Variants in PIGT observed in about 807,000 individuals in gnomAD.
PIGT encodes phosphatidylinositol glycan anchor biosynthesis class T, also known as GPI-anchor transamidase component PIGT.
In PIGT, 57 loss-of-function variants were observed where a neutral mutation model predicts 66.7. The observed-to-expected ratio is 0.86, with a 90% CI of 0.69 to 1.07. PIGT has a LOEUF of 1.07. Ranked by LOEUF, PIGT falls within the 50% of genes least tolerant of loss-of-function variation. The pLI is 0.00. For missense variants in PIGT, 725 were observed against 740.4 expected (o/e 0.98, Z 0.24); for synonymous variants, 362 against 320.5 (o/e 1.13, Z -1.38).
At chr20:45,420,758 C>T (rs1290417973) in intron 8 of PIGT, 65 bp downstream of exon 8, 8 of 1,498,796 alleles carry the variant, frequency 5.3e-6, no homozygotes, top group Admixed American at 3.4e-5. Flanking sequence ...CACAATCCCA[C>T]GTCTTTGCCG....
At position 45,421,431 on chromosome 20, in the gene PIGT, AT is replaced by A. The variant is rs1990358605; in HGVS notation, c.1083del (p.Tyr361Ter). 6.2e-7 allele frequency: 1 copy of A among 1,614,020 alleles called. No individual in the cohort carries two copies. The highest frequency in any genetic ancestry group is 1.3e-5 in the African/African-American group (1 of 74,898). ...CATGCCCAGCGGTACGTGAGTGGCT[AT>A]GGGCTGCAGAAGGGGGAGCTGAGCA... ...FLHAQRYVSG[Y>X]GLQKGELSTL... On this transcript the variant is annotated frameshift_variant, in exon 9 of 12. Transcript: ENST00000279036. LOFTEE classifies it high-confidence loss of function.
Position 45,420,409 on chromosome 20 carries a change from G to T in PIGT, c.847G>T (p.Asp283Tyr), listed in dbSNP as rs751236460. 1 of 1,613,364 alleles carries T rather than the reference G, an allele frequency of 6.2e-7. No homozygotes were observed. The highest frequency in any genetic ancestry group is 1.3e-5 in the African/African-American group (1 of 74,766). Reference protein sequence around the residue: ...PLASESRVYVDITTYNQDNET... With the variant: ...PLASESRVYVYITTYNQDNET... The stretch of plus-strand genomic sequence containing the variant: ...GGCTTCAGAGAGCCGAGTCTATGTG[G>T]ACATCACCACCTACAACCAGGTAAC... The change falls in exon 7 of 12, where the codon GAC (aspartate) becomes TAC (tyrosine). Residue 283 changes from aspartate (D) to tyrosine (Y), a missense_variant. Around this residue, in one of 3 missense-constraint regions of PIGT, gnomAD observed 559 missense variants for 552.7 expected, o/e 1.01. Transcript: ENST00000279036.
At chr20:45,420,299 G>A in intron 6 of PIGT, 33 bp from the exon 7 acceptor site, 1 of 1,598,156 alleles carries the variant, frequency 6.3e-7, no homozygotes, top group South Asian at 1.1e-5. Flanking sequence ...GCCTAGGCCT[G>A]GCCCCTGCTC....
In PIGT at chr20:45,420,538, C is replaced by T; in HGVS notation, c.878C>T (p.Thr293Ile). 6.2e-7 allele frequency: 1 copy of T among 1,613,868 alleles called. No homozygotes were observed. The highest frequency in any genetic ancestry group is 2.2e-5 in the East Asian group (1 of 44,812). The change falls in exon 8 of 12, where the codon ACA becomes ATA. Residue 293 changes from threonine (T) to isoleucine (I), a missense_variant. Thr to Ile is a moderately conservative substitution (Grantham distance 89). Around this residue, in one of 3 missense-constraint regions of PIGT, gnomAD observed 559 missense variants for 552.7 expected, o/e 1.01. Transcript: ENST00000279036. ...DITTYNQDNE[T>I]LEVHPPPTTT... ...CCTTTGTGTCCCCAGGACAACGAGA[C>T]ATTAGAGGTGCACCCACCCCCGACC...
At chr20:45,420,805 A>G (rs1990314775) in intron 8 of PIGT, 112 bp downstream of exon 8, 2 of 1,098,342 alleles carry the variant, frequency 1.8e-6, no homozygotes, top group African/African-American at 3.1e-5. Context: ...AGATTTCCAG[A>G]GTCATATGCT....
chr20:45,421,159 GGT>G, intron 8 of PIGT: 1 of 573,830 alleles, frequency 1.7e-6, no homozygotes. Flanking sequence ...AAGGGGGCAC[GGT>G]GTTCGTCACG....
At chr20:45,420,055 T>C in intron 5 of PIGT, 81 bp from the exon 6 acceptor site, 1 of 952,840 alleles carries the variant, frequency 1.0e-6, no homozygotes, top group Admixed American at 2.0e-5. Context: ...GATGAGGGAT[T>C]GAGTCTGAGT....
intron 7 of PIGT, 44 bp downstream of exon 7, chr20:45,420,473 C>T (rs775693048): frequency 1.7e-5 from 28 of 1,605,966 alleles, no homozygotes; most frequent in Non-Finnish European, 2.3e-5. Flanking sequence ...CCGCTGGTCC[C>T]CAGGACCAGC....
rs747877993 is a variant in PIGT at position 45,424,396 on chromosome 20, C to G, written c.1400+15C>G. ...TTCTATGTCAGGTGGGCTCCACCCC[C>G]ACAGGCCACCTCTCATCCCCCTGAC... On this transcript the variant is annotated intron_variant, in intron 10 of 11. Coordinates refer to ENST00000279036, the MANE Select transcript of PIGT (RefSeq NM_015937.6). 2.5e-6 allele frequency: 4 copies of G among 1,614,016 alleles called. No homozygotes were observed. The highest frequency in any genetic ancestry group is 1.7e-5 in the Admixed American group (1 of 60,026).
Position 45,425,759 on chromosome 20 carries a change from G to A in PIGT, c.1670G>A (p.Arg557His), listed in dbSNP as rs762745361. The A allele has an allele frequency of 1.1e-5, 17 of 1,613,914 alleles. No homozygotes were observed. Among genetic ancestry groups the A allele is most frequent in the Middle Eastern group, 1.6e-4 (1 of 6,084 alleles). ...LTRTFHIEEPRTGGLAKRLAN... is the reference protein window; with the variant it reads ...LTRTFHIEEPHTGGLAKRLAN... ...CGAACCTTCCACATCGAGGAGCCCC[G>A]CACAGGTGGCCTGGCCAAGCGGCTG... The change falls in exon 12 of 12, where the codon CGC becomes CAC. Residue 557 changes from arginine to histidine, a missense_variant. By Grantham distance (29) the Arg-to-His change is conservative. Transcript: ENST00000279036.
chr20:45,417,154 C>G (rs1028799258), intron 2 of PIGT: 1 of 153,314 alleles, frequency 6.5e-6, no homozygotes, highest in Non-Finnish European at 1.5e-5. Flanking sequence ...CCGCTATTTC[C>G]CAGTGGCTGC....
intron 5 of PIGT, 62 bp downstream of exon 5, chr20:45,419,652 A>C (rs892852143): frequency 1.0e-5 from 12 of 1,190,246 alleles, no homozygotes; most frequent in Non-Finnish European, 1.5e-5. Flanking sequence ...CATGTAAAGC[A>C]TGTGGTCAGT....
intron 10 of PIGT, 30 bp from the exon 11 acceptor site, chr20:45,424,466 A>C (rs1990584295): frequency 6.2e-7 from 1 of 1,612,720 alleles, no homozygotes; most frequent in East Asian, 2.2e-5. Context: ...GCCAGATGGG[A>C]ACACGGGCCA....
rs202220796 is a variant in PIGT at position 45,420,398 on chromosome 20, G to A, written c.836G>A (p.Arg279Gln). ...TEPCPLASES[R>Q]VYVDITTYNQ... ...CCCTGCCCCCTGGCTTCAGAGAGCCGAGTCTATGTGGACATCACCACCTAC... is the reference window on the plus strand; with the variant it reads ...CCCTGCCCCCTGGCTTCAGAGAGCCAAGTCTATGTGGACATCACCACCTAC... Residue 279 changes from arginine (R) to glutamine (Q), a missense_variant, in exon 7 of 12, where the codon CGA (arginine) becomes CAA (glutamine). Arg to Gln is a conservative substitution (Grantham distance 43). This residue lies in a region of PIGT where 559 missense variants were observed against 552.7 expected (regional missense o/e 1.01). Coordinates refer to ENST00000279036, the MANE Select transcript of PIGT (RefSeq NM_015937.6). 80 of 1,613,520 alleles carry A rather than the reference G, an allele frequency of 5.0e-5. No individual in the cohort carries two copies. Among genetic ancestry groups the A allele is most frequent in the Admixed American group, 2.7e-4 (16 of 59,986 alleles).
intron 11 of PIGT, chr20:45,424,839 A>G (rs1287339147): frequency 3.9e-6 from 2 of 518,458 alleles, no homozygotes; most frequent in East Asian, 6.8e-5. Context: ...ATATTTAATC[A>G]AGCACTTATC....
At chr20:45,420,481 A>G (rs1215561758) in intron 7 of PIGT, 47 bp from the exon 8 acceptor site, 2 of 1,612,482 alleles carry the variant, frequency 1.2e-6, no homozygotes, top group Admixed American at 3.3e-5. Context: ...CCCCAGGACC[A>G]GCCTACCCTC....
At position 45,424,589 on chromosome 20, in the gene PIGT, A is replaced by T. The variant is rs372808382; in HGVS notation, c.1484+10A>T. ...CCCTCTTCAACAGCCTGTAAGTGTGACCACACTCACTGATAACACATCCTC... is the reference window on the plus strand; with the variant it reads ...CCCTCTTCAACAGCCTGTAAGTGTGTCCACACTCACTGATAACACATCCTC... On this transcript the variant is annotated intron_variant, in intron 11 of 11. Coordinates refer to ENST00000279036, the MANE Select transcript of PIGT (RefSeq NM_015937.6). The T allele has an allele frequency of 2.5e-6, 4 of 1,604,222 alleles. No homozygotes were observed. The highest frequency in any genetic ancestry group is 3.4e-6 in the Non-Finnish European group (4 of 1,170,950).
intron 3 of PIGT, 139 bp downstream of exon 3, chr20:45,419,118 C>T (rs990484247): frequency 8.5e-6 from 10 of 1,173,334 alleles, no homozygotes; most frequent in East Asian, 7.0e-5. Flanking sequence ...CAATACTGTG[C>T]CATCTCTGCA....
intron 9 of PIGT, chr20:45,423,722 T>C (rs1351767597): frequency 6.7e-6 from 1 of 150,064 alleles, no homozygotes; most frequent in Admixed American, 6.6e-5. Context: ...TTTTTTTTAA[T>C]GTCATTTATT....
Sources: gnomAD v4.1 joint callset for allele counts on GRCh38, gnomAD v4.1.1 for gene constraint, gnomAD v4.1.1 regional missense constraint, MANE v1.5 for transcripts, NCBI Gene and HGNC (gene_info 2026-07-23, HGNC 2026-07-21) for gene names.